CDKL3: variants seen among roughly 807,000 people sequenced by gnomAD.
The protein encoded by CDKL3 is cyclin dependent kinase like 3.
A neutral mutation model predicts 69.3 loss-of-function variants in CDKL3; 65 were observed. The observed-to-expected ratio is 0.94, with a 90% CI of 0.77 to 1.15. CDKL3 has a LOEUF of 1.15. CDKL3 is among the 50% of genes most tolerant of loss of function. The pLI is 0.00. For synonymous variants in CDKL3, 202 were observed against 221.6 expected (o/e 0.91, Z 0.79); for missense variants, 652 against 689.2 (o/e 0.95, Z 0.61).
intron 4 of CDKL3, among the ~76,000 whole-genome samples, chr5:134,339,763 G>T (rs752271287): frequency 6.6e-6 from 1 of 152,038 alleles, no homozygotes; most frequent in African/African-American, 2.4e-5. Context: ...ATTAATTGCA[G>T]GAAAAATTTT....
At chr5:134,344,435 A>C (rs1376796375) in intron 4 of CDKL3, among the ~76,000 whole-genome samples, 1 of 152,234 alleles carries the variant, frequency 6.6e-6, no homozygotes, top group Admixed American at 6.5e-5. Context: ...GAAAATTCTT[A>C]CAACTCAATA....
intron 8 of CDKL3, among the ~76,000 whole-genome samples, chr5:134,287,547 C>T (rs140991841): frequency 5.3e-5 from 8 of 152,252 alleles, no homozygotes; most frequent in Non-Finnish European, 1.2e-4. Context: ...TGGATGCTAC[C>T]CAACAGATTT....
chr5:134,332,073 C>A (rs1775936133), intron 4 of CDKL3, among the ~76,000 whole-genome samples: 1 of 152,142 alleles, frequency 6.6e-6, no homozygotes, highest in Admixed American at 6.6e-5. Flanking sequence ...TTTAATGTGT[C>A]TGTTGGCTGC....
intron 4 of CDKL3, among the ~76,000 whole-genome samples, chr5:134,348,636 T>C (rs1307166220): frequency 6.6e-6 from 1 of 151,840 alleles, no homozygotes; most frequent in South Asian, 2.1e-4. Context: ...TGACACAAAA[T>C]TTACAGATAA....
chr5:134,311,277 G>A (rs760637745), intron 7 of CDKL3, among the ~76,000 whole-genome samples: 1 of 152,222 alleles, frequency 6.6e-6, no homozygotes, highest in Non-Finnish European at 1.5e-5. Context: ...GCCAAGGCGG[G>A]TGGATCACCT....
chr5:134,363,202 T>G (rs748027273), intron 2 of CDKL3, among the ~76,000 whole-genome samples: 2 of 152,226 alleles, frequency 1.3e-5, no homozygotes, highest in Non-Finnish European at 2.9e-5. Flanking sequence ...TATAGTATTA[T>G]GTTTTAGGTC....
chr5:134,315,179 G>A (rs898295882), intron 6 of CDKL3, among the ~76,000 whole-genome samples: 5 of 151,800 alleles, frequency 3.3e-5, no homozygotes, highest in Non-Finnish European at 7.4e-5. Context: ...TATGATAAAT[G>A]TAGCATTCCA....
At chr5:134,354,782 A>C (rs143521027) in intron 3 of CDKL3, among the ~76,000 whole-genome samples, 63 of 152,222 alleles carry the variant, frequency 4.1e-4, no homozygotes, top group Middle Eastern at 3.4e-3. Context: ...CCCCGTCTCT[A>C]CTAAAAATAC....
intron 4 of CDKL3, among the ~76,000 whole-genome samples, chr5:134,343,566 G>C (rs1330672997): frequency 6.6e-6 from 1 of 152,200 alleles, no homozygotes; most frequent in Non-Finnish European, 1.5e-5. Flanking sequence ...TAGGAGTCAT[G>C]TAGCTGAAGG....
intron 4 of CDKL3, among the ~76,000 whole-genome samples, chr5:134,349,128 T>C (rs942323516): frequency 1.3e-5 from 2 of 152,196 alleles, no homozygotes; most frequent in African/African-American, 4.8e-5. Context: ...AACTTCATCA[T>C]AGGGTTGTTG....
chr5:134,323,740 T>C (rs1298257371), intron 4 of CDKL3, among the ~76,000 whole-genome samples: 2 of 152,130 alleles, frequency 1.3e-5, no homozygotes, highest in Non-Finnish European at 2.9e-5. Context: ...AAATATAAAA[T>C]GCAAAACTGT....
chr5:134,355,216 G>A (rs1314843441), intron 3 of CDKL3, among the ~76,000 whole-genome samples: 2 of 144,824 alleles, frequency 1.4e-5, no homozygotes, highest in Non-Finnish European at 3.0e-5. Context: ...CTGAGCGACG[G>A]AGCAAGACTC....
rs975619515 is a variant in CDKL3 at position 134,322,052 on chromosome 5, C to T, written c.540-149G>A. On this transcript the variant is annotated intron_variant, in intron 4 of 12. Transcript: ENST00000265334. ...TGTTTTTTTTCGAGACCGAGTCTTG[C>T]TCTGTCACCCAGGCTGGAGTGCAAG... The T allele has an allele frequency of 1.5e-5, 9 of 596,982 alleles. No individual in the cohort carries two copies. In the African/African-American group the frequency reaches 1.5e-4, roughly 10 times the overall value. 37.0% of individuals were successfully genotyped at this position (596,982 alleles called of 1,614,324 possible).
At chr5:134,321,440 G>C (rs1772758745) in intron 5 of CDKL3, among the ~76,000 whole-genome samples, 1 of 152,118 alleles carries the variant, frequency 6.6e-6, no homozygotes. Flanking sequence ...AAAAGCATCT[G>C]ACTCAACTCT....
downstream of CDKL3, among the ~76,000 whole-genome samples, chr5:134,284,899 T>A (rs1296889979): frequency 6.6e-6 from 1 of 152,224 alleles, no homozygotes; most frequent in Non-Finnish European, 1.5e-5. Flanking sequence ...AGATTTCATA[T>A]TGTTCAAACA....
At chr5:134,302,454 A>G (rs752214281) in intron 12 of CDKL3, 136 bp downstream of exon 12, 4 of 612,876 alleles carry the variant, frequency 6.5e-6, no homozygotes, top group African/African-American at 1.9e-5. Context: ...GAAAATATAG[A>G]TCTGTTTCTT....
intron 2 of CDKL3, among the ~76,000 whole-genome samples, chr5:134,362,518 TA>T (rs964659158): frequency 1.3e-5 from 2 of 150,830 alleles, no homozygotes; most frequent in African/African-American, 2.4e-5. Flanking sequence ...AAACTCTGTC[TA>T]AAAAAAAAGT....
intron 2 of CDKL3, among the ~76,000 whole-genome samples, chr5:134,364,162 A>G (rs1756792960): frequency 6.6e-6 from 1 of 152,168 alleles, no homozygotes; most frequent in African/African-American, 2.4e-5. Flanking sequence ...TAGAATACAT[A>G]CTTATTTAAA....
intron 4 of CDKL3, among the ~76,000 whole-genome samples, chr5:134,337,853 G>A (rs1344067729): frequency 6.6e-6 from 1 of 152,038 alleles, no homozygotes; most frequent in Admixed American, 6.6e-5. Context: ...TCCAACTGAT[G>A]TATTATCCTT....
Sources: gnomAD v4.1 joint callset for allele counts (sites outside exome capture counted in the v4.1 genomes callset) on GRCh38, gnomAD v4.1.1 for gene constraint, MANE v1.5 for transcripts, NCBI Gene and HGNC (gene_info 2026-07-23, HGNC 2026-07-21) for gene names.